Variants in ZFYVE9 observed in about 807,000 individuals in gnomAD.
The protein encoded by ZFYVE9 is zinc finger FYVE-type containing 9.
A neutral mutation model predicts 126.7 loss-of-function variants in ZFYVE9; 43 were observed. The ratio of observed to expected loss-of-function variants is 0.34; its 90% CI spans 0.27 to 0.44. ZFYVE9 has a LOEUF of 0.44. ZFYVE9 is among the 20% of genes least tolerant of loss of function. The pLI is 1.00. For missense variants in ZFYVE9, 1,476 were observed against 1,697.0 expected (o/e 0.87, Z 2.29); for synonymous variants, 521 against 597.4 (o/e 0.87, Z 1.87).
intron 1 of ZFYVE9, among the ~76,000 whole-genome samples, chr1:52,167,795 C>T (rs1479440241): frequency 6.6e-6 from 1 of 152,122 alleles, no homozygotes. Context: ...TCAAGAGAGC[C>T]TTCATGATAC....
chr1:52,236,600 T>G (rs1401015321), intron 3 of ZFYVE9, among the ~76,000 whole-genome samples: 1 of 152,208 alleles, frequency 6.6e-6, no homozygotes, highest in African/African-American at 2.4e-5. Context: ...GCCATTGTAG[T>G]TATGATCTGT....
rs1189499447 is a variant in ZFYVE9 at position 52,293,490 on chromosome 1, T to G, written c.3063T>G (p.Ser1021Arg). The change falls in exon 11 of 19, where the codon AGT (serine) becomes AGG (arginine). Residue 1021 changes from serine (S) to arginine (R), a missense_variant. Physicochemically the swap from Ser to Arg is moderately radical, Grantham distance 110. Around this residue, in one of 2 missense-constraint regions of ZFYVE9, gnomAD observed 669 missense variants for 902.4 expected, o/e 0.74. Transcript: ENST00000287727. Reference protein sequence around the residue: ...VVSNLGHSFFSQSFLGSKEHG... With the variant: ...VVSNLGHSFFRQSFLGSKEHG... ...GCAACTTGGGACATTCCTTCTTCAG[T>G]CAAAGTTTCCTTGGCAGTAAAGAAC... The G allele has an allele frequency of 6.2e-7, 1 of 1,613,908 alleles. No individual in the cohort carries two copies. The highest frequency in any genetic ancestry group is 1.3e-5 in the African/African-American group (1 of 74,892).
At chr1:52,156,917 CTG>C (rs1407210944) in intron 1 of ZFYVE9, among the ~76,000 whole-genome samples, 2 of 151,632 alleles carry the variant, frequency 1.3e-5, no homozygotes, top group African/African-American at 4.8e-5. Flanking sequence ...ACTGCAAGCT[CTG>C]CCTCTCGGGT....
chr1:52,227,298 T>C (rs541113584), intron 2 of ZFYVE9, among the ~76,000 whole-genome samples: 99 of 152,384 alleles, frequency 6.5e-4, no homozygotes, highest in Non-Finnish European at 1.0e-3. Context: ...CCTTTTCACA[T>C]GGGAGTGTGA....
chr1:52,200,461 G>A (rs1039618328), intron 1 of ZFYVE9, among the ~76,000 whole-genome samples: 2 of 152,140 alleles, frequency 1.3e-5, no homozygotes, highest in Non-Finnish European at 2.9e-5. Context: ...GATTACAGAT[G>A]TAAGCCACTG....
chr1:52,147,882 G>GT (rs1157280994), intron 1 of ZFYVE9, among the ~76,000 whole-genome samples: 1 of 151,586 alleles, frequency 6.6e-6, no homozygotes, highest in Non-Finnish European at 1.5e-5. Flanking sequence ...CTTGTTATCT[G>GT]TTTTTTTGAT....
chr1:52,248,210 T>C (rs766109456), intron 4 of ZFYVE9, among the ~76,000 whole-genome samples: 1 of 152,150 alleles, frequency 6.6e-6, no homozygotes, highest in Non-Finnish European at 1.5e-5. Flanking sequence ...GCCCTCAATC[T>C]GAGGCCTAAG....
chr1:52,175,431 C>G (rs1572074679), intron 1 of ZFYVE9, among the ~76,000 whole-genome samples: 3 of 151,704 alleles, frequency 2.0e-5, no homozygotes, highest in South Asian at 2.1e-4. Context: ...TGTGGCTGCC[C>G]TTAACATTTT....
At position 52,341,134 on chromosome 1, in the gene ZFYVE9, C is replaced by T. The variant is rs557397223; in HGVS notation, c.3939+903C>T. Among the ~76,000 whole-genome samples the T allele has an allele frequency of 3.5e-4, 53 of 152,314 alleles. 1 individual carries two copies. The highest frequency in any genetic ancestry group is 1.7e-3 in the South Asian group (8 of 4,828). The stretch of plus-strand genomic sequence containing the variant: ...ACTCAGGAGGCTGAGGTGGGAGAAT[C>T]GCTTGAACCTGGGTGGTGGAGGTTG... On this transcript the variant is annotated intron_variant, in intron 17 of 18. Transcript: ENST00000287727.
chr1:52,182,215 C>T (rs942630331), intron 1 of ZFYVE9, among the ~76,000 whole-genome samples: 1 of 151,710 alleles, frequency 6.6e-6, no homozygotes, highest in Admixed American at 6.6e-5. Flanking sequence ...AGTGAGGAGC[C>T]CCTCTGCCCG....
chr1:52,219,865 C>T (rs1467722333), intron 2 of ZFYVE9, among the ~76,000 whole-genome samples: 11 of 150,660 alleles, frequency 7.3e-5, no homozygotes. Context: ...GCAACCTGCA[C>T]CTCCCAGGTT....
Position 52,298,806 on chromosome 1 carries a change from G to GTGT in ZFYVE9, c.3333+2830_3333+2831insGTT, listed in dbSNP as rs1553133756. Among the ~76,000 whole-genome samples the GTGT allele has an allele frequency of 1.2e-4, 13 of 109,170 alleles. No homozygotes were observed. In the East Asian group the frequency reaches 1.8e-3, roughly 15 times the overall value. 71.6% of individuals were successfully genotyped at this position (109,170 alleles called of 152,430 possible). A position where few individuals can be genotyped will look rare whatever the true frequency, so the allele number is the denominator to read the frequency against. ...CATGGAATCAGTTTCCTTTGTCAAT[G>GTGT]TTTTTTTTTTTTTTTTTTTTTGAGA... On this transcript the variant is annotated intron_variant, in intron 12 of 18. Coordinates refer to ENST00000287727, the MANE Select transcript of ZFYVE9 (RefSeq NM_004799.4).
chr1:52,206,939 CATT>C (rs1462834723), intron 1 of ZFYVE9, among the ~76,000 whole-genome samples: 7 of 152,172 alleles, frequency 4.6e-5, no homozygotes, highest in African/African-American at 1.4e-4. Context: ...TGATAAGTCT[CATT>C]ATGTGTGTAC....
chr1:52,202,156 T>G (rs1644929116), intron 1 of ZFYVE9, among the ~76,000 whole-genome samples: 1 of 152,208 alleles, frequency 6.6e-6, no homozygotes, highest in African/African-American at 2.4e-5. Flanking sequence ...TTTAGGTTGG[T>G]CTTTTTTTCC....
intron 13 of ZFYVE9, among the ~76,000 whole-genome samples, chr1:52,316,114 G>A (rs560164549): frequency 8.7e-5 from 11 of 126,592 alleles, no homozygotes; most frequent in African/African-American, 3.2e-4. Flanking sequence ...GCAGTGAGCC[G>A]AGATCCTGCC....
chr1:52,227,224 G>T (rs983803126), intron 2 of ZFYVE9, among the ~76,000 whole-genome samples: 1 of 152,234 alleles, frequency 6.6e-6, no homozygotes, highest in Non-Finnish European at 1.5e-5. Context: ...GAGGTACTTG[G>T]CAGCAATGCC....
At chr1:52,278,167 A>T (rs905354387) in intron 8 of ZFYVE9, among the ~76,000 whole-genome samples, 2 of 150,202 alleles carry the variant, frequency 1.3e-5, no homozygotes, top group Non-Finnish European at 3.0e-5. Context: ...AACATTTATT[A>T]TGTGAAATTC....
At chr1:52,178,022 G>T (rs1218627732) in intron 1 of ZFYVE9, among the ~76,000 whole-genome samples, 1 of 150,630 alleles carries the variant, frequency 6.6e-6, no homozygotes, top group African/African-American at 2.4e-5. Context: ...GCTCACGCCC[G>T]TAATCCCAGC....
At chr1:52,299,802 C>T (rs1646015277) in intron 12 of ZFYVE9, among the ~76,000 whole-genome samples, 1 of 152,190 alleles carries the variant, frequency 6.6e-6, no homozygotes, top group South Asian at 2.1e-4. Context: ...GGCCCCCAGG[C>T]AGGATGAACT....
Sources: allele counts gnomAD v4.1 joint callset (sites outside exome capture counted in the v4.1 genomes callset), GRCh38; gene constraint gnomAD v4.1.1; regional missense constraint gnomAD v4.1.1; transcripts MANE v1.5; gene names NCBI Gene and HGNC (gene_info 2026-07-23, HGNC 2026-07-21).